AP2B1: variants seen among roughly 807,000 people sequenced by gnomAD.
AP2B1 encodes the protein adaptor related protein complex 2 subunit beta 1.
AP2B1 carries 23 observed loss-of-function variants against 102.0 expected under a neutral mutation model. That is an observed-to-expected ratio of 0.23 (90% CI 0.16 to 0.32). AP2B1 has a LOEUF of 0.32. Among genes scored for constraint, AP2B1 ranks in the 10% least tolerant of loss-of-function variants. The pLI is 1.00. For synonymous variants in AP2B1, 381 were observed against 421.2 expected (o/e 0.90, Z 1.17); for missense variants, 541 against 1,157.4 (o/e 0.47, Z 7.73).
At chr17:35,715,902 GCTGTCA>G (rs2143010901) in intron 20 of AP2B1, among the ~76,000 whole-genome samples, 1 of 152,208 alleles carries the variant, frequency 6.6e-6, no homozygotes, top group East Asian at 1.9e-4. Flanking sequence ...CCTCTCCTGA[GCTGTCA>G]GTGGTTTGAA....
chr17:35,674,335 G>A lies in AP2B1; in HGVS notation c.2324+14G>A, dbSNP rs763944137. 1 of 1,613,594 alleles carries A rather than the reference G, an allele frequency of 6.2e-7. No individual in the cohort carries two copies. Among genetic ancestry groups the A allele is most frequent in the Non-Finnish European group, 8.5e-7 (1 of 1,179,644 alleles). ...TAACAAAAATAGGTAAGCAATCTGG[G>A]TCCCTAGCTTGATGTTGAGACAACA... On this transcript the variant is annotated intron_variant, in intron 17 of 21. Transcript: ENST00000610402.
At chr17:35,639,548 G>A (rs1817401552) in intron 10 of AP2B1, 47 bp from the exon 11 acceptor site, 13 of 1,549,082 alleles carry the variant, frequency 8.4e-6, no homozygotes, top group Non-Finnish European at 1.1e-5. Flanking sequence ...TGTTAAATTA[G>A]TTCTTAGTTT....
chr17:35,660,725 C>T (rs1320007187), intron 14 of AP2B1, among the ~76,000 whole-genome samples: 1 of 152,052 alleles, frequency 6.6e-6, no homozygotes. Flanking sequence ...CTCAGGTGAT[C>T]CACGTCCCTC....
At chr17:35,590,666 A>G (rs1312403870) in intron 1 of AP2B1, among the ~76,000 whole-genome samples, 2 of 152,130 alleles carry the variant, frequency 1.3e-5, no homozygotes, top group Admixed American at 6.5e-5. Context: ...AATCTATCTT[A>G]TAGGCTTCTA....
intron 12 of AP2B1, among the ~76,000 whole-genome samples, chr17:35,649,828 C>A (rs2075040943): frequency 6.6e-6 from 1 of 152,172 alleles, no homozygotes; most frequent in Non-Finnish European, 1.5e-5. Flanking sequence ...GCGGTGCAGT[C>A]ATGGCTCACT....
chr17:35,596,616 C>G (rs1032821095), intron 2 of AP2B1, among the ~76,000 whole-genome samples: 1 of 151,626 alleles, frequency 6.6e-6, no homozygotes, highest in Non-Finnish European at 1.5e-5. Flanking sequence ...CCATGTCGCT[C>G]ACTCGGGTGG....
At chr17:35,637,936 T>C (rs1372495066) in intron 10 of AP2B1, among the ~76,000 whole-genome samples, 1 of 151,302 alleles carries the variant, frequency 6.6e-6, no homozygotes, top group Non-Finnish European at 1.5e-5. Flanking sequence ...CCCCCCCACC[T>C]CGCCCTCCCA....
chr17:35,659,210 C>T (rs2075304047), intron 14 of AP2B1, among the ~76,000 whole-genome samples: 1 of 152,192 alleles, frequency 6.6e-6, no homozygotes. Context: ...TTTCTGTTCA[C>T]ATTCAACCAC....
chr17:35,656,782 G>A (rs919799664), intron 13 of AP2B1, among the ~76,000 whole-genome samples: 2 of 152,030 alleles, frequency 1.3e-5, no homozygotes, highest in African/African-American at 4.8e-5. Flanking sequence ...CTACTTGGGA[G>A]GCTGAGGCAG....
intron 11 of AP2B1, among the ~76,000 whole-genome samples, chr17:35,640,381 C>T (rs2074744540): frequency 6.6e-6 from 1 of 150,772 alleles, no homozygotes; most frequent in Admixed American, 6.6e-5. Flanking sequence ...GGATTACAGG[C>T]ATTCACCATC....
intron 20 of AP2B1, among the ~76,000 whole-genome samples, chr17:35,711,617 AG>A (rs2076452125): frequency 6.6e-6 from 1 of 151,948 alleles, no homozygotes; most frequent in East Asian, 1.9e-4. Context: ...TACAGGCGCC[AG>A]CCACCACACC....
At chr17:35,647,161 G>T (rs902721205) in intron 12 of AP2B1, among the ~76,000 whole-genome samples, 1 of 152,160 alleles carries the variant, frequency 6.6e-6, no homozygotes, top group Admixed American at 6.5e-5. Context: ...CTTAAGGACT[G>T]CATATATAGG....
chr17:35,669,036 G>C (rs1489421524), intron 14 of AP2B1, among the ~76,000 whole-genome samples: 1 of 152,066 alleles, frequency 6.6e-6, no homozygotes, highest in East Asian at 1.9e-4. Context: ...CAGACGTCAT[G>C]CTGCAGATGT....
At chr17:35,677,545 C>A (rs1271851113) in intron 17 of AP2B1, among the ~76,000 whole-genome samples, 1 of 152,064 alleles carries the variant, frequency 6.6e-6, no homozygotes, top group African/African-American at 2.4e-5. Context: ...TGGCCTAAGT[C>A]CTGCAACTTT....
intron 17 of AP2B1, among the ~76,000 whole-genome samples, chr17:35,680,801 A>G (rs746941287): frequency 7.9e-5 from 12 of 151,138 alleles, no homozygotes; most frequent in South Asian, 4.2e-4. Flanking sequence ...GGTTCAAACA[A>G]TTCTCCTGCT....
chr17:35,680,686 G>GTTTTTTTTTTT lies in AP2B1; in HGVS notation c.2325-2006_2325-1996dup, dbSNP rs1167550201. On this transcript the variant is annotated intron_variant, in intron 17 of 21. Transcript: ENST00000610402. ...CCACCATGCCCAGTCTATGGTTTTG[G>GTTTTTTTTTTT]TTTTTTTTTTTTTGTTTTTTTTTTT... Among the ~76,000 whole-genome samples, 40 of 59,918 alleles carry GTTTTTTTTTTT rather than the reference G, an allele frequency of 6.7e-4. 1 individual carries two copies. The highest frequency in any genetic ancestry group is 1.1e-3 in the African/African-American group (15 of 13,398). The allele number at this position is 59,918 out of a possible 152,430, so 39.3% of individuals were successfully genotyped here. A position where few individuals can be genotyped will look rare whatever the true frequency, so the allele number is the denominator to read the frequency against.
intron 13 of AP2B1, 119 bp downstream of exon 13, chr17:35,650,908 T>C: frequency 8.2e-7 from 1 of 1,213,844 alleles, no homozygotes; most frequent in Non-Finnish European, 1.2e-6. Flanking sequence ...CTTTATGCTT[T>C]TATAGTCTGG....
At position 35,723,914 on chromosome 17, in the gene AP2B1, C is replaced by T; in HGVS notation, c.*215C>T. The T allele has an allele frequency of 2.1e-6, 1 of 467,090 alleles. No homozygotes were observed. The highest frequency in any genetic ancestry group is 3.9e-6 in the Non-Finnish European group (1 of 258,214). The allele number at this position is 467,090 out of a possible 1,614,324, so 28.9% of individuals were successfully genotyped here. On this transcript the variant is annotated 3_prime_UTR_variant, in exon 22 of 22. Transcript: ENST00000610402. ...TAACCACTGCTTCAGTCACCTCCCA[C>T]CTCTTGCCACCTGCTGCTGCTATCT...
chr17:35,676,769 T>A (rs1195105640), intron 17 of AP2B1, among the ~76,000 whole-genome samples: 1 of 126,260 alleles, frequency 7.9e-6, no homozygotes, highest in Non-Finnish European at 1.6e-5. Context: ...TTTAAGCATT[T>A]TTTAAAATAA....
Sources: gnomAD v4.1 joint callset for allele counts (sites outside exome capture counted in the v4.1 genomes callset) on GRCh38, gnomAD v4.1.1 for gene constraint, MANE v1.5 for transcripts, NCBI Gene and HGNC (gene_info 2026-07-23, HGNC 2026-07-21) for gene names.